Variants in HID1 observed in about 807,000 individuals in gnomAD.
The protein encoded by HID1 is HID1 domain containing.
HID1 carries 42 observed loss-of-function variants against 89.7 expected under a neutral mutation model. The ratio of observed to expected loss-of-function variants is 0.47; its 90% CI spans 0.37 to 0.61. The LOEUF (loss-of-function observed/expected upper bound fraction) is 0.61. Ranked by LOEUF, HID1 falls within the 20% of genes least tolerant of loss-of-function variation. The probability of loss-of-function intolerance (pLI) is 0.00; values close to 1 mark genes in which losing one functional copy is unlikely to be tolerated. For missense variants in HID1, 854 were observed against 1,039.3 expected (o/e 0.82, Z 2.45); for synonymous variants, 442 against 433.8 (o/e 1.02, Z -0.24).
At chr17:74,967,036 C>T (rs910895587) in intron 1 of HID1, among the ~76,000 whole-genome samples, 4 of 151,764 alleles carry the variant, frequency 2.6e-5, no homozygotes, top group African/African-American at 7.3e-5. Context: ...GTCAGGAGTT[C>T]GAGACCACCC....
chr17:74,966,115 T>C (rs2039559196), intron 1 of HID1, among the ~76,000 whole-genome samples: 1 of 151,338 alleles, frequency 6.6e-6, no homozygotes, highest in South Asian at 2.1e-4. Context: ...TGAAACCCCG[T>C]CTCTACTAAA....
intron 1 of HID1, among the ~76,000 whole-genome samples, chr17:74,969,340 G>A (rs750390742): frequency 3.3e-5 from 5 of 151,818 alleles, no homozygotes; most frequent in South Asian, 4.2e-4. Flanking sequence ...CGCCTGCCAC[G>A]ACGCCCGGCT....
chr17:74,959,842 C>G lies in HID1; in HGVS notation c.1008+39G>C. ...CCATATCCCTGTCTCACTTGCATCC[C>G]CCTGCACCCTGCAAAGCCACTGTGG... On this transcript the variant is annotated intron_variant, in intron 8 of 18. Coordinates refer to ENST00000425042, the MANE Select transcript of HID1 (RefSeq NM_030630.3). This position sits in a 1 kb window ranked among gnomAD's most constrained non-coding sequence, Gnocchi z 4.6. 6.2e-7 allele frequency: 1 copy of G among 1,606,960 alleles called. No homozygotes were observed. The highest frequency in any genetic ancestry group is 8.5e-7 in the Non-Finnish European group (1 of 1,174,144).
In HID1 at chr17:74,958,239, G is replaced by T. The variant is rs755190886; in HGVS notation, c.1393-20C>A. On this transcript the variant is annotated intron_variant, in intron 11 of 18. Coordinates refer to ENST00000425042, the MANE Select transcript of HID1 (RefSeq NM_030630.3). The surrounding 1 kb of genome is among the most constrained non-coding windows in gnomAD (Gnocchi z 5.2). ...GAACACCTGTGCCAGGAGGGACAGA[G>T]GCACCGTGGGGTCCCCGCTGCCTCC... is the stretch of plus-strand genomic sequence containing the variant. 1.9e-6 allele frequency: 3 copies of T among 1,608,590 alleles called. No homozygotes were observed. The highest frequency in any genetic ancestry group is 2.5e-6 in the Non-Finnish European group (3 of 1,177,736).
In HID1 at chr17:74,950,997, A is replaced by T. The variant is rs1345461549; in HGVS notation, c.*573T>A. ...CAGGAGAATATAGCAGGAGACCCTC[A>T]CCACCCCACACCATGCCCCAAGGAT... On this transcript the variant is annotated 3_prime_UTR_variant, in exon 19 of 19. Coordinates refer to ENST00000425042, the MANE Select transcript of HID1 (RefSeq NM_030630.3). The T allele has an allele frequency of 1.3e-5, 2 of 152,928 alleles. No homozygotes were observed. The highest frequency in any genetic ancestry group is 2.9e-5 in the Non-Finnish European group (2 of 68,666). 9.5% of individuals were successfully genotyped at this position (152,928 alleles called of 1,614,324 possible).
At chr17:74,955,647 A>G (rs2039377792) in intron 13 of HID1, 145 bp downstream of exon 13, 1 of 693,628 alleles carries the variant, frequency 1.4e-6, no homozygotes. Flanking sequence ...GATGCTCAAT[A>G]AATGTACACT....
At position 74,958,252 on chromosome 17, in the gene HID1, C is replaced by T. The variant is rs1210891448; in HGVS notation, c.1393-33G>A. On this transcript the variant is annotated intron_variant, in intron 11 of 18. Transcript: ENST00000425042. This position sits in a 1 kb window ranked among gnomAD's most constrained non-coding sequence, Gnocchi z 5.2. Reference sequence around the variant, plus strand: ...AGGAGGGACAGAGGCACCGTGGGGTCCCCGCTGCCTCCAGACTCAGCCAAG... The same window carrying T: ...AGGAGGGACAGAGGCACCGTGGGGTTCCCGCTGCCTCCAGACTCAGCCAAG... 6.2e-7 allele frequency: 1 copy of T among 1,607,928 alleles called. No individual in the cohort carries two copies. The highest frequency in any genetic ancestry group is 1.1e-5 in the South Asian group (1 of 90,070).
chr17:74,955,965 G>C lies in HID1; in HGVS notation c.1472-9C>G. 1 of 1,612,858 alleles carries C rather than the reference G, an allele frequency of 6.2e-7. No homozygotes were observed. Among genetic ancestry groups the C allele is most frequent in the Non-Finnish European group, 8.5e-7 (1 of 1,179,610 alleles). On this transcript the variant is annotated splice_polypyrimidine_tract_variant and intron_variant, in intron 12 of 18. Transcript: ENST00000425042. Reference sequence around the variant, plus strand: ...CTTGAGGTAGGGGGACACTGTAAGGGAGGGGTCAGCTCACTCCTGGGCCCC... The same window carrying C: ...CTTGAGGTAGGGGGACACTGTAAGGCAGGGGTCAGCTCACTCCTGGGCCCC...
intron 15 of HID1, 58 bp downstream of exon 15, chr17:74,953,487 G>A: frequency 7.0e-7 from 1 of 1,430,042 alleles, no homozygotes; most frequent in South Asian, 1.2e-5. Flanking sequence ...CTACTGCAGA[G>A]ACCAGGGAGG....
Position 74,972,483 on chromosome 17 carries a change from G to T in HID1, c.66+108C>A. On this transcript the variant is annotated intron_variant, in intron 1 of 18. Transcript: ENST00000425042. The surrounding 1 kb of genome is among the most constrained non-coding windows in gnomAD (Gnocchi z 6.4). ...GCGCTGGCCTTGGCGTTACGCTCGG[G>T]GCCCGCCCGTCCCCCCATCTCCCGA... 1.9e-6 allele frequency: 2 copies of T among 1,077,424 alleles called. No homozygotes were observed. Among genetic ancestry groups the T allele is most frequent in the Non-Finnish European group, 1.3e-6 (1 of 758,194 alleles). The allele number at this position is 1,077,424 out of a possible 1,614,324, so 66.7% of individuals were successfully genotyped here. A position where few individuals can be genotyped will look rare whatever the true frequency, so the allele number is the denominator to read the frequency against.
rs766390293 is a variant in HID1, at chr17:74,960,273, G to A, written c.729-25C>T. 2.1e-5 allele frequency: 33 copies of A among 1,585,486 alleles called. No individual in the cohort carries two copies. In the Admixed American group the frequency reaches 4.4e-4, roughly 21 times the overall value. ...TCTGCAGCAGGAGAGGGACAAGGCTGCAGAGGCTGCACTGGGGCCCAGCCC... is the reference window on the plus strand; with the variant it reads ...TCTGCAGCAGGAGAGGGACAAGGCTACAGAGGCTGCACTGGGGCCCAGCCC... On this transcript the variant is annotated intron_variant, in intron 6 of 18. Transcript: ENST00000425042.
intron 14 of HID1, 55 bp from the exon 15 acceptor site, chr17:74,953,706 C>T: frequency 1.5e-6 from 2 of 1,338,078 alleles, no homozygotes; most frequent in South Asian, 1.2e-5. Context: ...CCCTTCTAGC[C>T]CTTCCTCCAC....
In HID1 at chr17:74,962,943, T is replaced by G. The variant is rs771635076; in HGVS notation, c.504+22A>C. 25 of 1,539,778 alleles carry G rather than the reference T, an allele frequency of 1.6e-5. No individual in the cohort carries two copies. The highest frequency in any genetic ancestry group is 1.7e-4 in the Middle Eastern group (1 of 5,870). ...GACCAGAGCCTACTCCGCCTGGGGG[T>G]GGGGGGCTGGGGGACACTCACCACA... On this transcript the variant is annotated intron_variant, in intron 4 of 18. Transcript: ENST00000425042. The surrounding 1 kb of genome is among the most constrained non-coding windows in gnomAD (Gnocchi z 4.3).
Position 74,972,625 on chromosome 17 carries a change from C to G in HID1, c.32G>C (p.Arg11Pro). 1 of 1,549,142 alleles carries G rather than the reference C, an allele frequency of 6.5e-7. No individual in the cohort carries two copies. Residue 11 changes from arginine (R) to proline (P), a missense_variant, in exon 1 of 19, where the codon CGG (arginine) becomes CCG (proline). Arg to Pro is a moderately radical substitution (Grantham distance 103). Coordinates refer to ENST00000425042, the MANE Select transcript of HID1 (RefSeq NM_030630.3). This position sits in a 1 kb window ranked among gnomAD's most constrained non-coding sequence, Gnocchi z 6.4. The part of the protein sequence containing the change: MGSTDSKLNF[R>P]KAVIQLTTKT... ...GGTGGTGAGCTGGATCACCGCCTTCCGGAAGTTCAGCTTGGAGTCGGTCGA... is the reference window on the plus strand; with the variant it reads ...GGTGGTGAGCTGGATCACCGCCTTCGGGAAGTTCAGCTTGGAGTCGGTCGA...
chr17:74,965,628 C>T (rs990794596), intron 1 of HID1, among the ~76,000 whole-genome samples: 1 of 152,190 alleles, frequency 6.6e-6, no homozygotes, highest in African/African-American at 2.4e-5. Flanking sequence ...CTTAAAAACA[C>T]ACATGCCCAG....
Position 74,959,974 on chromosome 17 carries a change from T to C in HID1, c.952-37A>G. The stretch of plus-strand genomic sequence containing the variant: ...AGAAGCCCCTGGTGAGCAGGCGTCC[T>C]CCCCACAACCCGTGGCCCCGGCAGC... On this transcript the variant is annotated intron_variant, in intron 7 of 18. Transcript: ENST00000425042. The surrounding 1 kb of genome is among the most constrained non-coding windows in gnomAD (Gnocchi z 4.6). 1 of 1,613,518 alleles carries C rather than the reference T, an allele frequency of 6.2e-7. No individual in the cohort carries two copies. The highest frequency in any genetic ancestry group is 8.5e-7 in the Non-Finnish European group (1 of 1,179,970).
chr17:74,953,230 C>T (rs2039334110), intron 15 of HID1, 144 bp from the exon 16 acceptor site: 11 of 730,430 alleles, frequency 1.5e-5, no homozygotes, highest in Non-Finnish European at 2.4e-5. Context: ...AGGCCCTAGG[C>T]CCAGCCCAAC....
chr17:74,972,621 C>T lies in HID1; in HGVS notation c.36G>A (p.Lys12=). 1 of 1,549,212 alleles carries T rather than the reference C, an allele frequency of 6.5e-7. No individual in the cohort carries two copies. The highest frequency in any genetic ancestry group is 8.7e-7 in the Non-Finnish European group (1 of 1,145,822). ...GSTDSKLNFR[K]AVIQLTTKTQ... ...TCTTGGTGGTGAGCTGGATCACCGCCTTCCGGAAGTTCAGCTTGGAGTCGG... is the reference window on the plus strand; with the variant it reads ...TCTTGGTGGTGAGCTGGATCACCGCTTTCCGGAAGTTCAGCTTGGAGTCGG... The change falls in exon 1 of 19, where the codon AAG becomes AAA. Residue 12 remains lysine (K), a synonymous_variant. Transcript: ENST00000425042. The surrounding 1 kb of genome is among the most constrained non-coding windows in gnomAD (Gnocchi z 6.4).
At position 74,963,001 on chromosome 17, in the gene HID1, C is replaced by A. The variant is rs201044220; in HGVS notation, c.468G>T (p.Pro156=). The A allele has an allele frequency of 6.2e-7, 1 of 1,613,438 alleles. No individual in the cohort carries two copies. Among genetic ancestry groups the A allele is most frequent in the African/African-American group, 1.3e-5 (1 of 74,904 alleles). ...TCCGGTGGCTCTGAACCGTGAAGTC[C>A]GGGCAGAAGAGCAGGTCAGCAATGG... The part of the protein sequence containing the change: ...LLAIADLLFC[P]DFTVQSHRRS... Residue 156 remains proline (P), a synonymous_variant, in exon 4 of 19, where the codon CCG becomes CCT. Coordinates refer to ENST00000425042, the MANE Select transcript of HID1 (RefSeq NM_030630.3).
Sources: allele counts gnomAD v4.1 joint callset (sites outside exome capture counted in the v4.1 genomes callset), GRCh38; gene constraint gnomAD v4.1.1; non-coding constraint Gnocchi (gnomAD v3.1); transcripts MANE v1.5; gene names NCBI Gene and HGNC (gene_info 2026-07-23, HGNC 2026-07-21).